Variants in TEX9 observed in about 807,000 individuals in gnomAD.
TEX9 encodes testis expressed 9.
A neutral mutation model predicts 59.6 loss-of-function variants in TEX9; 74 were observed. The observed-to-expected ratio is 1.24, with a 90% CI of 1.03 to 1.51. The LOEUF (loss-of-function observed/expected upper bound fraction) is 1.51. Among genes scored for constraint, TEX9 ranks in the 40% most tolerant of loss-of-function variants. The probability of loss-of-function intolerance (pLI) is 0.00; values close to 1 mark genes in which losing one functional copy is unlikely to be tolerated. For synonymous variants in TEX9, 186 were observed against 152.2 expected, an observed-to-expected ratio of 1.22 and a Z score of -1.64; for missense variants, 522 against 447.8, an observed-to-expected ratio of 1.17 and a Z score of -1.49.
chr15:56,246,065 A>G (rs2043847051), intron 1 of TEX9, among the ~76,000 whole-genome samples: 1 of 152,178 alleles, frequency 6.6e-6, no homozygotes, highest in Non-Finnish European at 1.5e-5. Context: ...AAGAAAAGGA[A>G]GCCGAGAACC....
At chr15:56,307,160 G>A (rs967166420) in intron 1 of TEX9, among the ~76,000 whole-genome samples, 12 of 152,142 alleles carry the variant, frequency 7.9e-5, no homozygotes, top group Admixed American at 1.3e-4. Context: ...CAAGCTGGCA[G>A]CCTAATGAAA....
intron 1 of TEX9, among the ~76,000 whole-genome samples, chr15:56,308,473 A>G (rs2045532766): frequency 6.6e-6 from 1 of 152,190 alleles, no homozygotes; most frequent in Admixed American, 6.5e-5. Flanking sequence ...TATCAGATAT[A>G]TGATTTGCAA....
intron 12 of TEX9, among the ~76,000 whole-genome samples, chr15:56,438,855 G>C (rs554805584): frequency 6.3e-4 from 96 of 152,264 alleles, no homozygotes; most frequent in Non-Finnish European, 1.2e-3. Flanking sequence ...CTTCTCAAAA[G>C]AAGACATTTA....
intron 1 of TEX9, among the ~76,000 whole-genome samples, chr15:56,266,662 T>A (rs1367086771): frequency 6.6e-6 from 1 of 152,152 alleles, no homozygotes. Flanking sequence ...GAAGTCATCC[T>A]TTTTTATGGT....
At chr15:56,280,369 C>T (rs145585555) in intron 1 of TEX9, among the ~76,000 whole-genome samples, 1 of 152,154 alleles carries the variant, frequency 6.6e-6, no homozygotes, top group Non-Finnish European at 1.5e-5. Context: ...GTTAAACCTT[C>T]ACATTGTGTA....
intron 1 of TEX9, among the ~76,000 whole-genome samples, chr15:56,310,396 C>A (rs545609438): frequency 6.6e-6 from 1 of 152,318 alleles, no homozygotes; most frequent in South Asian, 2.1e-4. Flanking sequence ...TGGGCCATTG[C>A]ACTCCAGCCT....
intron 1 of TEX9, among the ~76,000 whole-genome samples, chr15:56,259,843 A>C (rs968908862): frequency 1.3e-5 from 2 of 152,088 alleles, no homozygotes; most frequent in African/African-American, 4.8e-5. Flanking sequence ...TTAAATTATA[A>C]AATTAATTTA....
intron 1 of TEX9, among the ~76,000 whole-genome samples, chr15:56,343,001 A>G (rs2046402859): frequency 6.6e-6 from 1 of 152,194 alleles, no homozygotes; most frequent in Non-Finnish European, 1.5e-5. Flanking sequence ...ATGCTGTATA[A>G]TGCTCCAACT....
At chr15:56,321,255 A>G (rs903733719) in intron 1 of TEX9, among the ~76,000 whole-genome samples, 10 of 152,280 alleles carry the variant, frequency 6.6e-5, no homozygotes, top group African/African-American at 2.2e-4. Context: ...GTCCCAGGGC[A>G]TACTCAAAAC....
the TEX9 span, among the ~76,000 whole-genome samples, chr15:56,458,232 T>C: frequency 1.2e-4 from 19 of 152,222 alleles, no homozygotes; most frequent in Non-Finnish European, 2.8e-4. Flanking sequence ...AATTCAGTGA[T>C]GTTGTATATT....
intron 10 of TEX9, among the ~76,000 whole-genome samples, chr15:56,423,980 A>G (rs1291109727): frequency 6.6e-6 from 1 of 151,722 alleles, no homozygotes; most frequent in Non-Finnish European, 1.5e-5. Flanking sequence ...TTAGAGGACT[A>G]CTCTTTATGT....
At chr15:56,434,266 C>A in intron 12 of TEX9, 1 of 1,613,902 alleles carries the variant, frequency 6.2e-7, no homozygotes, top group Non-Finnish European at 8.5e-7. Flanking sequence ...GCAAATTTAG[C>A]TAGCATAGTT....
chr15:56,384,183 C>T, intron 4 of TEX9, 152 bp downstream of exon 4: 3 of 507,904 alleles, frequency 5.9e-6, no homozygotes, highest in Admixed American at 7.6e-5. Flanking sequence ...CAGTGCAAGC[C>T]CTTTATCTCA....
intron 9 of TEX9, among the ~76,000 whole-genome samples, chr15:56,407,941 A>G (rs546025423): frequency 1.3e-5 from 2 of 152,306 alleles, no homozygotes; most frequent in Non-Finnish European, 2.9e-5. Context: ...ACTGGATTCT[A>G]TATACTCTCT....
intron 1 of TEX9, among the ~76,000 whole-genome samples, chr15:56,280,228 A>T (rs998636579): frequency 6.6e-6 from 1 of 152,130 alleles, no homozygotes; most frequent in East Asian, 1.9e-4. Context: ...GAACATCTAT[A>T]TAAATATTGA....
intron 1 of TEX9, among the ~76,000 whole-genome samples, chr15:56,255,307 GC>G (rs2044120702): frequency 1.3e-5 from 2 of 152,096 alleles, no homozygotes; most frequent in African/African-American, 4.8e-5. Flanking sequence ...CAGGGACAAA[GC>G]ATGATGGAGA....
At chr15:56,349,808 CGT>C (rs560236339) in intron 1 of TEX9, among the ~76,000 whole-genome samples, 1 of 150,868 alleles carries the variant, frequency 6.6e-6, no homozygotes, top group African/African-American at 2.4e-5. Context: ...TATGTGTGTG[CGT>C]GTGTGTGTGT....
upstream of TEX9, among the ~76,000 whole-genome samples, chr15:56,363,324 G>A (rs2046826081): frequency 6.6e-6 from 1 of 151,404 alleles, no homozygotes; most frequent in African/African-American, 2.4e-5. Context: ...GAGTGCAGTG[G>A]TGCTATCTCG....
intron 1 of TEX9, among the ~76,000 whole-genome samples, chr15:56,265,852 G>T (rs1304627356): frequency 6.6e-6 from 1 of 152,104 alleles, no homozygotes; most frequent in Non-Finnish European, 1.5e-5. Flanking sequence ...GGTCAAGGTG[G>T]TTGATGGTAT....
Sources: allele counts gnomAD v4.1 joint callset (sites outside exome capture counted in the v4.1 genomes callset), GRCh38; gene constraint gnomAD v4.1.1; transcripts MANE v1.5; gene names NCBI Gene and HGNC (gene_info 2026-07-23, HGNC 2026-07-21).